The following CHCHD3 variants were observed in gnomAD, a reference collection of about 807,000 sequenced individuals.
CHCHD3 encodes the protein coiled-coil-helix-coiled-coil-helix domain containing 3, also known as MICOS complex subunit MIC19.
A neutral mutation model predicts 38.2 loss-of-function variants in CHCHD3; 20 were observed. The ratio of observed to expected loss-of-function variants is 0.52; its 90% CI spans 0.37 to 0.76. CHCHD3 has a LOEUF of 0.76. Among genes scored for constraint, CHCHD3 ranks in the 30% least tolerant of loss-of-function variants. The pLI is 0.00. For synonymous variants in CHCHD3, 82 were observed against 100.0 expected, an observed-to-expected ratio of 0.82 and a Z score of 1.07; for missense variants, 245 against 279.2, an observed-to-expected ratio of 0.88 and a Z score of 0.87.
intron 6 of CHCHD3, among the ~76,000 whole-genome samples, chr7:132,797,193 C>G (rs947880009): frequency 1.3e-5 from 2 of 152,194 alleles, no homozygotes; most frequent in African/African-American, 4.8e-5. Context: ...CTTCACCCCC[C>G]AACCCTGCAC....
chr7:132,989,338 T>C (rs998564466), intron 3 of CHCHD3, among the ~76,000 whole-genome samples: 1 of 152,134 alleles, frequency 6.6e-6, no homozygotes, highest in Admixed American at 6.5e-5. Context: ...TTTATTTTAA[T>C]TCACAATAAA....
intron 5 of CHCHD3, among the ~76,000 whole-genome samples, chr7:132,861,323 C>T (rs911234748): frequency 6.6e-6 from 1 of 152,124 alleles, no homozygotes; most frequent in African/African-American, 2.4e-5. Context: ...AGTGTTTCGT[C>T]GTTAGATCAC....
intron 6 of CHCHD3, among the ~76,000 whole-genome samples, chr7:132,806,234 C>T (rs1323542050): frequency 6.6e-6 from 1 of 152,176 alleles, no homozygotes; most frequent in Admixed American, 6.5e-5. Flanking sequence ...AAGGAATGTG[C>T]TCCATAGCAA....
chr7:133,016,880 G>A (rs182623185), intron 3 of CHCHD3, among the ~76,000 whole-genome samples: 24 of 152,304 alleles, frequency 1.6e-4, no homozygotes, highest in African/African-American at 4.8e-4. Flanking sequence ...AGCCTATGTG[G>A]ACCACTGCCC....
intron 6 of CHCHD3, among the ~76,000 whole-genome samples, chr7:132,836,216 C>T (rs1042066713): frequency 6.6e-6 from 1 of 152,020 alleles, no homozygotes; most frequent in Non-Finnish European, 1.5e-5. Context: ...CGGATTCAAG[C>T]GATTCTCCTG....
intron 4 of CHCHD3, among the ~76,000 whole-genome samples, chr7:132,970,481 AAGAC>A (rs1439617794): frequency 1.3e-5 from 2 of 152,236 alleles, no homozygotes; most frequent in South Asian, 2.1e-4. Context: ...AGTTAAAAGA[AAGAC>A]AAAGTCCTGG....
At position 132,985,201 on chromosome 7, in the gene CHCHD3, G is replaced by A. The variant is rs1812067256; in HGVS notation, c.252-9915C>T. On this transcript the variant is annotated intron_variant, in intron 3 of 7. Coordinates refer to ENST00000262570, the MANE Select transcript of CHCHD3 (RefSeq NM_017812.4). ...AGCCGCCCCGTCCGGAAGGGAGGTG[G>A]GGGGGTTAGCCCCCCGCCCGGCCAG... Among the ~76,000 whole-genome samples the A allele has an allele frequency of 2.5e-5, 2 of 79,212 alleles. 1 individual carries two copies. Among genetic ancestry groups the A allele is most frequent in the Non-Finnish European group, 5.1e-5 (2 of 39,430 alleles). 52.0% of individuals were successfully genotyped at this position (79,212 alleles called of 152,430 possible). A position where few individuals can be genotyped will look rare whatever the true frequency, so the allele number is the denominator to read the frequency against.
At chr7:132,984,591 C>T (rs1445628241) in intron 3 of CHCHD3, among the ~76,000 whole-genome samples, 2 of 147,734 alleles carry the variant, frequency 1.4e-5, no homozygotes, top group African/African-American at 2.6e-5. Context: ...CGTCTCTGCC[C>T]GGCCGCCATC....
chr7:132,880,289 A>C (rs1809019095), intron 5 of CHCHD3, among the ~76,000 whole-genome samples: 1 of 152,204 alleles, frequency 6.6e-6, no homozygotes, highest in African/African-American at 2.4e-5. Flanking sequence ...TCACCTAAAC[A>C]ATAGGGCGCA....
At chr7:133,027,778 A>T (rs1264458773) in intron 2 of CHCHD3, among the ~76,000 whole-genome samples, 1 of 152,184 alleles carries the variant, frequency 6.6e-6, no homozygotes, top group African/African-American at 2.4e-5. Context: ...GCATTCAGGC[A>T]AGTATTAGAG....
intron 4 of CHCHD3, among the ~76,000 whole-genome samples, chr7:132,890,915 G>A (rs1378304734): frequency 1.3e-5 from 2 of 152,150 alleles, no homozygotes; most frequent in African/African-American, 4.8e-5. Context: ...ATAGGCAGAT[G>A]AGCAAATAAG....
At chr7:132,910,407 A>C (rs1368166945) in intron 4 of CHCHD3, among the ~76,000 whole-genome samples, 1 of 152,206 alleles carries the variant, frequency 6.6e-6, no homozygotes, top group Non-Finnish European at 1.5e-5. Flanking sequence ...GACAGACACA[A>C]GTAGGTTTAA....
chr7:132,816,380 G>A (rs1303768392), intron 6 of CHCHD3, among the ~76,000 whole-genome samples: 1 of 152,072 alleles, frequency 6.6e-6, no homozygotes, highest in East Asian at 1.9e-4. Context: ...GCTGATTTGA[G>A]GTTCAGATTT....
chr7:133,078,717 C>CT (rs1396595925), intron 1 of CHCHD3, among the ~76,000 whole-genome samples: 1 of 152,240 alleles, frequency 6.6e-6, no homozygotes, highest in Non-Finnish European at 1.5e-5. Context: ...AGGAGACCGT[C>CT]TGTACTATCT....
chr7:132,859,875 C>CAG (rs1808438151), intron 5 of CHCHD3, among the ~76,000 whole-genome samples: 1 of 152,206 alleles, frequency 6.6e-6, no homozygotes, highest in Admixed American at 6.5e-5. Flanking sequence ...TGACAACTCC[C>CAG]AGATCTATAT....
chr7:133,016,473 C>G (rs186240184), intron 3 of CHCHD3, among the ~76,000 whole-genome samples: 1 of 152,198 alleles, frequency 6.6e-6, no homozygotes, highest in East Asian at 1.9e-4. Context: ...GAATGGGATA[C>G]AAAAGAATGT....
chr7:133,078,654 C>T (rs1050627819), intron 1 of CHCHD3, among the ~76,000 whole-genome samples: 3 of 152,184 alleles, frequency 2.0e-5, no homozygotes, highest in South Asian at 2.1e-4. Flanking sequence ...GTTTACTGAA[C>T]GCTTGTCACT....
At chr7:133,073,573 C>T (rs1814891134) in intron 1 of CHCHD3, among the ~76,000 whole-genome samples, 2 of 152,132 alleles carry the variant, frequency 1.3e-5, no homozygotes, top group African/African-American at 4.8e-5. Context: ...ACCACCAACA[C>T]CCAGCTTCCT....
intron 6 of CHCHD3, among the ~76,000 whole-genome samples, chr7:132,823,977 A>G (rs912716369): frequency 2.0e-5 from 3 of 151,852 alleles, no homozygotes; most frequent in Admixed American, 1.3e-4. Context: ...TCTTTCCTCA[A>G]CTCTCTCCTC....
Sources: gnomAD v4.1 joint callset for allele counts (sites outside exome capture counted in the v4.1 genomes callset) on GRCh38, gnomAD v4.1.1 for gene constraint, MANE v1.5 for transcripts, NCBI Gene and HGNC (gene_info 2026-07-23, HGNC 2026-07-21) for gene names.